UNC5C: variants seen among roughly 807,000 people sequenced by gnomAD.
The protein encoded by UNC5C is unc-5 netrin receptor C, also known as netrin receptor UNC5C.
In UNC5C, 47 loss-of-function variants were observed where a neutral mutation model predicts 99.8. The ratio of observed to expected loss-of-function variants is 0.47; its 90% CI spans 0.37 to 0.60. The LOEUF is 0.60. Among genes scored for constraint, UNC5C ranks in the 20% least tolerant of loss-of-function variants. The pLI is 0.00. For synonymous variants in UNC5C, 487 were observed against 452.2 expected (o/e 1.08, Z -0.98); for missense variants, 1,062 against 1,165.9 (o/e 0.91, Z 1.30).
intron 1 of UNC5C, among the ~76,000 whole-genome samples, chr4:95,440,818 C>T (rs370912509): frequency 6.6e-6 from 1 of 152,142 alleles, no homozygotes; most frequent in Admixed American, 6.5e-5. Flanking sequence ...CTCTAACATG[C>T]TTTTCTTTAA....
At position 95,537,120 on chromosome 4, in the gene UNC5C, G is replaced by GT. The variant is rs1158789321; in HGVS notation, c.124+11613dup. The stretch of plus-strand genomic sequence containing the variant: ...CCAACAAATGATGGGTTATGTGAGA[G>GT]TTTTTTTTTAAAACCCATATAAGGA... On this transcript the variant is annotated intron_variant, in intron 1 of 15. Transcript: ENST00000453304. Among the ~76,000 whole-genome samples, 7 of 151,214 alleles carry GT rather than the reference G, an allele frequency of 4.6e-5. No individual in the cohort carries two copies. The East Asian group carries it at 5.8e-4, about 13-fold the overall frequency.
At chr4:95,407,114 T>C (rs562324567) in intron 1 of UNC5C, among the ~76,000 whole-genome samples, 5 of 152,182 alleles carry the variant, frequency 3.3e-5, no homozygotes, top group Admixed American at 2.0e-4. Context: ...GAGTAGACAA[T>C]AGCAGATTAA....
intron 7 of UNC5C, among the ~76,000 whole-genome samples, chr4:95,225,927 G>A (rs1457694091): frequency 6.6e-6 from 1 of 152,062 alleles, no homozygotes; most frequent in Non-Finnish European, 1.5e-5. Context: ...GAGAAGAAGG[G>A]GATTACTGTT....
At chr4:95,273,529 G>T (rs961435767) in intron 4 of UNC5C, among the ~76,000 whole-genome samples, 1 of 152,196 alleles carries the variant, frequency 6.6e-6, no homozygotes, top group Admixed American at 6.5e-5. Flanking sequence ...CCCAGCACCA[G>T]TTCCATGGGT....
At chr4:95,477,164 G>T (rs72876442) in intron 1 of UNC5C, among the ~76,000 whole-genome samples, 5 of 152,014 alleles carry the variant, frequency 3.3e-5, no homozygotes, top group Admixed American at 3.3e-4. Context: ...AGAAGATTTT[G>T]CCTACTGGCT....
chr4:95,383,753 T>C (rs1038521339), intron 1 of UNC5C, among the ~76,000 whole-genome samples: 1 of 152,178 alleles, frequency 6.6e-6, no homozygotes, highest in Non-Finnish European at 1.5e-5. Flanking sequence ...ATTGCATTTG[T>C]GATAAAATTG....
chr4:95,317,160 A>T (rs1000098176), intron 2 of UNC5C, among the ~76,000 whole-genome samples: 2 of 152,108 alleles, frequency 1.3e-5, no homozygotes, highest in East Asian at 3.9e-4. Context: ...CTTTCTAATG[A>T]TCTGGGCCTT....
At chr4:95,179,020 A>T (rs191485450) in intron 14 of UNC5C, among the ~76,000 whole-genome samples, 1 of 152,344 alleles carries the variant, frequency 6.6e-6, no homozygotes, top group East Asian at 1.9e-4. Context: ...GTAAAAGTAG[A>T]GTTTACTCTC....
chr4:95,286,437 G>A (rs934469029), intron 3 of UNC5C, among the ~76,000 whole-genome samples: 1 of 152,266 alleles, frequency 6.6e-6, no homozygotes. Flanking sequence ...ACCAAGTTAC[G>A]CATGGCACTG....
At chr4:95,414,219 C>CCT in intron 1 of UNC5C, among the ~76,000 whole-genome samples, 1 of 151,958 alleles carries the variant, frequency 6.6e-6, no homozygotes. Context: ...CCCCACCTCC[C>CCT]CCCCACAAAA....
chr4:95,531,776 A>C (rs1212163013), intron 1 of UNC5C, among the ~76,000 whole-genome samples: 1 of 152,098 alleles, frequency 6.6e-6, no homozygotes, highest in African/African-American at 2.4e-5. Context: ...CTTTCCCACC[A>C]CCTCACACTC....
chr4:95,420,626 C>T (rs1307249552), intron 1 of UNC5C, among the ~76,000 whole-genome samples: 1 of 152,082 alleles, frequency 6.6e-6, no homozygotes, highest in Admixed American at 6.6e-5. Context: ...GATTTTACAA[C>T]AATGACCTAT....
At chr4:95,176,160 G>T (rs1194556288) in intron 14 of UNC5C, among the ~76,000 whole-genome samples, 1 of 151,536 alleles carries the variant, frequency 6.6e-6, no homozygotes, top group Non-Finnish European at 1.5e-5. Context: ...TTTTTTCAAA[G>T]TTTTCAACTT....
intron 1 of UNC5C, among the ~76,000 whole-genome samples, chr4:95,435,400 C>T (rs1746747080): frequency 1.3e-5 from 2 of 152,002 alleles, no homozygotes; most frequent in African/African-American, 4.8e-5. Context: ...AGTTAGAGTG[C>T]CTGTCTCTCA....
intron 12 of UNC5C, among the ~76,000 whole-genome samples, chr4:95,198,402 G>A (rs1245098473): frequency 4.6e-5 from 7 of 152,154 alleles, no homozygotes; most frequent in Admixed American, 4.6e-4. Flanking sequence ...GGAGATCTTG[G>A]CAGTGGAGCA....
At chr4:95,177,199 T>A (rs1020395002) in intron 14 of UNC5C, among the ~76,000 whole-genome samples, 3 of 152,168 alleles carry the variant, frequency 2.0e-5, no homozygotes, top group African/African-American at 7.2e-5. Flanking sequence ...AAATCACCCA[T>A]CTTATGCGTC....
chr4:95,477,536 C>T (rs1324023976), intron 1 of UNC5C, among the ~76,000 whole-genome samples: 1 of 152,004 alleles, frequency 6.6e-6, no homozygotes, highest in Non-Finnish European at 1.5e-5. Flanking sequence ...AGAATTTTTC[C>T]TACATGAGAT....
chr4:95,240,977 G>A (rs1275714406), intron 7 of UNC5C, among the ~76,000 whole-genome samples: 4 of 152,150 alleles, frequency 2.6e-5, no homozygotes, highest in Admixed American at 2.0e-4. Flanking sequence ...ACCCAAGATT[G>A]AAATAGTACA....
In UNC5C at chr4:95,301,591, T is replaced by A; in HGVS notation, c.490+15A>T. 6.2e-7 allele frequency: 1 copy of A among 1,613,932 alleles called. No individual in the cohort carries two copies. Among genetic ancestry groups the A allele is most frequent in the Non-Finnish European group, 8.5e-7 (1 of 1,179,906 alleles). ...AACTTCTGAGACCCAAGGTGCTTAT[T>A]GTACAATGACTCACATGCAATGCGC... On this transcript the variant is annotated intron_variant, in intron 3 of 15. Transcript: ENST00000453304.
Sources: gnomAD v4.1 joint callset for allele counts (sites outside exome capture counted in the v4.1 genomes callset) on GRCh38, gnomAD v4.1.1 for gene constraint, MANE v1.5 for transcripts, NCBI Gene and HGNC (gene_info 2026-07-23, HGNC 2026-07-21) for gene names.